Variants in FSHR observed in about 807,000 individuals in gnomAD.
FSHR encodes the protein follicle-stimulating hormone receptor.
Under a neutral mutation model 52.1 loss-of-function variants are expected in FSHR, and 46 were observed. That is an observed-to-expected ratio of 0.88 (90% confidence interval 0.70 to 1.13). The LOEUF (loss-of-function observed/expected upper bound fraction) is 1.13. Among genes scored for constraint, FSHR ranks in the 50% most tolerant of loss-of-function variants. The pLI, the probability that FSHR is intolerant of heterozygous loss-of-function variation, is 0.00. For synonymous variants in FSHR, 399 were observed against 309.6 expected (o/e 1.29, Z -3.03); for missense variants, 964 against 834.6 (o/e 1.16, Z -1.91).
intron 1 of FSHR, among the ~76,000 whole-genome samples, chr2:49,124,019 C>G (rs2349716): frequency 1.3e-5 from 2 of 151,206 alleles, no homozygotes; most frequent in East Asian, 3.9e-4. Flanking sequence ...GAATTTCGCT[C>G]TATCACCCAG....
At chr2:49,127,894 TCTTC>T (rs201814642) in intron 1 of FSHR, among the ~76,000 whole-genome samples, 3,546 of 39,590 alleles carry the variant, frequency 0.09, 555 homozygotes, top group East Asian at 0.11. Context: ...TTCTTCTTCT[TCTTC>T]TTTTTTTTTT....
At chr2:49,139,864 C>T in intron 1 of FSHR, among the ~76,000 whole-genome samples, 1 of 152,070 alleles carries the variant, frequency 6.6e-6, no homozygotes, top group East Asian at 1.9e-4. Flanking sequence ...TCCCAAAGTG[C>T]TGAGATTACA....
intron 1 of FSHR, among the ~76,000 whole-genome samples, chr2:49,088,434 A>G (rs528964577): frequency 1.2e-4 from 19 of 152,376 alleles, no homozygotes; most frequent in African/African-American, 1.9e-4. Context: ...ACAGTCTGGT[A>G]TAAAATTAAT....
At chr2:49,103,106 T>C (rs970268178) in intron 1 of FSHR, among the ~76,000 whole-genome samples, 3 of 152,070 alleles carry the variant, frequency 2.0e-5, no homozygotes, top group Admixed American at 1.3e-4. Context: ...ATAAAAGGAG[T>C]AAGAACTGTC....
chr2:49,140,411 C>G (rs1032292580), intron 1 of FSHR, among the ~76,000 whole-genome samples: 5 of 152,124 alleles, frequency 3.3e-5, no homozygotes, highest in South Asian at 2.1e-4. Flanking sequence ...TGAGGTCTCC[C>G]CAGAAACTGA....
At chr2:49,129,965 C>T (rs982903248) in intron 1 of FSHR, among the ~76,000 whole-genome samples, 3 of 152,068 alleles carry the variant, frequency 2.0e-5, no homozygotes, top group African/African-American at 7.2e-5. Context: ...TCTCAATTTC[C>T]TTAACATGTT....
chr2:48,995,733 G>C (rs6732220), intron 4 of FSHR, among the ~76,000 whole-genome samples: 110,148 of 151,974 alleles, frequency 0.72, 40,301 homozygotes, highest in Admixed American at 0.8. Context: ...TCAGACCAAA[G>C]TGATGGTGGT....
intron 1 of FSHR, among the ~76,000 whole-genome samples, chr2:49,085,733 G>T (rs1354277086): frequency 6.6e-6 from 1 of 152,132 alleles, no homozygotes; most frequent in Non-Finnish European, 1.5e-5. Context: ...AACAATGATA[G>T]ACTGGATTAA....
intron 2 of FSHR, among the ~76,000 whole-genome samples, chr2:49,059,407 T>C (rs1257876503): frequency 6.9e-6 from 1 of 145,512 alleles, no homozygotes; most frequent in Non-Finnish European, 1.5e-5. Context: ...AACAGCATGG[T>C]ACTGGGGGAA....
intron 1 of FSHR, among the ~76,000 whole-genome samples, chr2:49,087,550 C>T (rs1670446664): frequency 6.6e-6 from 1 of 151,918 alleles, no homozygotes; most frequent in African/African-American, 2.4e-5. Flanking sequence ...GAGAAATAGG[C>T]AATCAGAAAT....
At chr2:49,030,227 C>G (rs193020873) in intron 2 of FSHR, among the ~76,000 whole-genome samples, 10 of 150,288 alleles carry the variant, frequency 6.7e-5, no homozygotes, top group African/African-American at 2.4e-4. Context: ...GTGTTGATTT[C>G]CTCCTTGACA....
chr2:49,104,304 G>C (rs1407155322), intron 1 of FSHR, among the ~76,000 whole-genome samples: 1 of 152,128 alleles, frequency 6.6e-6, no homozygotes, highest in Non-Finnish European at 1.5e-5. Flanking sequence ...CTCAGCACAG[G>C]TGGAGGATTG....
At chr2:49,081,079 T>G (rs995720493) in intron 1 of FSHR, among the ~76,000 whole-genome samples, 10 of 152,176 alleles carry the variant, frequency 6.6e-5, no homozygotes, top group Non-Finnish European at 1.3e-4. Flanking sequence ...TGATTGACCC[T>G]ACTGTTTCTT....
intron 1 of FSHR, among the ~76,000 whole-genome samples, chr2:49,138,575 A>G (rs994601275): frequency 6.6e-6 from 1 of 152,152 alleles, no homozygotes; most frequent in Non-Finnish European, 1.5e-5. Context: ...TGAAAATATT[A>G]TCCTAAGTGA....
At chr2:49,100,522 T>C (rs1047909462) in intron 1 of FSHR, among the ~76,000 whole-genome samples, 1 of 152,194 alleles carries the variant, frequency 6.6e-6, no homozygotes, top group African/African-American at 2.4e-5. Flanking sequence ...GTCTCAAGAC[T>C]AGAAAGTCTT....
chr2:49,072,756 T>C (rs977660969), intron 1 of FSHR, among the ~76,000 whole-genome samples: 16 of 152,168 alleles, frequency 1.1e-4, no homozygotes, highest in Admixed American at 3.9e-4. Context: ...AGCTTTCTAC[T>C]AGTAGCAAAA....
chr2:49,055,596 A>G (rs1389988700), intron 2 of FSHR, among the ~76,000 whole-genome samples: 2 of 150,394 alleles, frequency 1.3e-5, no homozygotes, highest in Non-Finnish European at 3.0e-5. Context: ...AGTTCTTTCC[A>G]AGGCACATTA....
chr2:49,099,366 C>G (rs1419657799), intron 1 of FSHR, among the ~76,000 whole-genome samples: 1 of 151,992 alleles, frequency 6.6e-6, no homozygotes, highest in African/African-American at 2.4e-5. Flanking sequence ...TAAGACATGC[C>G]TTTTCCCTTC....
At chr2:49,071,059 C>T (rs921151335) in intron 1 of FSHR, among the ~76,000 whole-genome samples, 5 of 152,042 alleles carry the variant, frequency 3.3e-5, no homozygotes, top group Non-Finnish European at 7.4e-5. Context: ...GAAACTGGCA[C>T]ATGAGATGAG....
Sources: allele counts gnomAD v4.1 joint callset (sites outside exome capture counted in the v4.1 genomes callset), GRCh38; gene constraint gnomAD v4.1.1; transcripts MANE v1.5; gene names NCBI Gene and HGNC (gene_info 2026-07-23, HGNC 2026-07-21).